Variants in NDUFV1 observed in about 807,000 individuals in gnomAD.
NDUFV1 encodes the protein NADH:ubiquinone oxidoreductase core subunit V1.
NDUFV1 carries 41 observed loss-of-function variants against 48.7 expected under a neutral mutation model. The observed-to-expected ratio is 0.84, with a 90% CI of 0.66 to 1.09. NDUFV1 has a LOEUF of 1.09. NDUFV1 is among the 50% of genes least tolerant of loss of function. NDUFV1 has a pLI of 0.00. For missense variants in NDUFV1, 580 were observed against 645.4 expected (o/e 0.90, Z 1.10); for synonymous variants, 231 against 259.1 (o/e 0.89, Z 1.04).
intron 1 of NDUFV1, 28 bp downstream of exon 1, chr11:67,607,104 G>GA: frequency 6.3e-7 from 1 of 1,595,626 alleles, no homozygotes; most frequent in Non-Finnish European, 8.5e-7. Context: ...TGGGGCCACG[G>GA]GTGTTTGGGG....
At chr11:67,610,924 G>A in intron 5 of NDUFV1, 71 bp from the exon 6 acceptor site, 1 of 1,472,988 alleles carries the variant, frequency 6.8e-7, no homozygotes, top group Non-Finnish European at 9.5e-7. Flanking sequence ...AGGACCCTGG[G>A]ACACACCTCC....
chr11:67,609,558 G>T lies in NDUFV1; in HGVS notation c.433G>T (p.Gly145Trp), dbSNP rs1374933967. Residue 145 changes from glycine to tryptophan, a missense_variant, in exon 4 of 10, where the codon GGG becomes TGG. Physicochemically the swap from Gly to Trp is radical, Grantham distance 184 (BLOSUM62 -2). Transcript: ENST00000322776. ...CAAGCTGCTGGAAGGCTGCCTGGTGGGGGGCCGGGCCATGGGCGCCCGCGC... is the reference window on the plus strand; with the variant it reads ...CAAGCTGCTGGAAGGCTGCCTGGTGTGGGGCCGGGCCATGGGCGCCCGCGC... ...PHKLLEGCLV[G>W]GRAMGARAAY... The T allele has an allele frequency of 1.9e-6, 3 of 1,612,972 alleles. No homozygotes were observed. The highest frequency in any genetic ancestry group is 8.5e-7 in the Non-Finnish European group (1 of 1,179,892).
chr11:67,612,482 T>G lies in NDUFV1; in HGVS notation c.*24T>G. The stretch of plus-strand genomic sequence containing the variant: ...AGCCCACCACCCTGGCCTGCTGTCC[T>G]GCGTCTATCCATGTGGAATGCTGGA... On this transcript the variant is annotated 3_prime_UTR_variant, in exon 10 of 10. Transcript: ENST00000322776. The surrounding 1 kb of genome is among the most constrained non-coding windows in gnomAD (Gnocchi z 4.4). The G allele has an allele frequency of 4.4e-6, 7 of 1,605,310 alleles. No individual in the cohort carries two copies. Among genetic ancestry groups the G allele is most frequent in the Non-Finnish European group, 5.9e-6 (7 of 1,176,486 alleles).
Position 67,608,739 on chromosome 11 carries a change from G to A in NDUFV1, c.326+17G>A, listed in dbSNP as rs757581676. 8 of 1,612,756 alleles carry A rather than the reference G, an allele frequency of 5.0e-6. No homozygotes were observed. The East Asian group carries it at 6.7e-5, about 13-fold the overall frequency. On this transcript the variant is annotated intron_variant, in intron 3 of 9. Transcript: ENST00000322776. ...AGATGGCAGGTGTGTGTGTGGGGGC[G>A]GGGCAGATGTGGCTGTGGGAGAGAC... is the stretch of plus-strand genomic sequence containing the variant.
chr11:67,609,130 C>T (rs1235095385), intron 3 of NDUFV1, among the ~76,000 whole-genome samples: 2 of 152,200 alleles, frequency 1.3e-5, no homozygotes, highest in East Asian at 1.9e-4. Flanking sequence ...GCTTTACCTC[C>T]TTTTGATGGT....
chr11:67,610,873 A>G, intron 5 of NDUFV1, 122 bp from the exon 6 acceptor site: 1 of 973,134 alleles, frequency 1.0e-6, no homozygotes, highest in Non-Finnish European at 1.6e-6. Context: ...AGGGATAAGA[A>G]TGATAAGGGG....
rs1368088751 is a variant in NDUFV1 at position 67,609,629 on chromosome 11, T to C, written c.504T>C (p.Asn168=). Residue 168 remains asparagine (N), a synonymous_variant, in exon 4 of 10, where the codon AAT becomes AAC. Transcript: ENST00000322776. ...GGGAATTCTACAATGAGGCCTCCAA[T>C]CTGCAGGTGGGTAGGGAGAGATGTA... The part of the protein sequence containing the change: ...IRGEFYNEAS[N]LQVAIREAYE... 4 of 1,603,790 alleles carry C rather than the reference T, an allele frequency of 2.5e-6. No homozygotes were observed. The East Asian group carries it at 6.7e-5, about 27-fold the overall frequency.
intron 2 of NDUFV1, 28 bp downstream of exon 2, chr11:67,608,506 T>A: frequency 6.2e-7 from 1 of 1,614,116 alleles, no homozygotes; most frequent in Non-Finnish European, 8.5e-7. Flanking sequence ...GTGTGTTGGG[T>A]CCCGGAGCAA....
At position 67,608,473 on chromosome 11, in the gene NDUFV1, C is replaced by T. The variant is rs11540012; in HGVS notation, c.150C>T (p.Asp50=). ...TCACCAACCTGTACGGCCGCCATGACTGGAGGTGAGACAGTGCCCTTAGTG... is the reference window on the plus strand; with the variant it reads ...TCACCAACCTGTACGGCCGCCATGATTGGAGGTGAGACAGTGCCCTTAGTG... ...RIFTNLYGRH[D]WRLKGSLSRG... The change falls in exon 2 of 10, where the codon GAC becomes GAT. Residue 50 remains aspartate (D), a synonymous_variant. Transcript: ENST00000322776. 3,598 of 1,614,150 alleles carry T rather than the reference C, an allele frequency of 2.2e-3. 26 individuals are homozygous for T. In the East Asian group the frequency reaches 0.027, roughly 12 times the overall value.
In NDUFV1 at chr11:67,610,989, C is replaced by T. The variant is rs1457621939; in HGVS notation, c.701-6C>T. 6.2e-7 allele frequency: 1 copy of T among 1,614,186 alleles called. No individual in the cohort carries two copies. The highest frequency in any genetic ancestry group is 1.1e-5 in the South Asian group (1 of 91,084). Reference sequence around the variant, plus strand: ...AGCCACCAGTTCTCTTCCCATTTCCCTGAAGGAGTGTTTGGCTGCCCCACA... The same window carrying T: ...AGCCACCAGTTCTCTTCCCATTTCCTTGAAGGAGTGTTTGGCTGCCCCACA... On this transcript the variant is annotated splice_polypyrimidine_tract_variant and splice_region_variant and intron_variant, in intron 5 of 9. Transcript: ENST00000322776.
chr11:67,610,407 A>T lies in NDUFV1; in HGVS notation c.537A>T (p.Ala179=). The change falls in exon 5 of 10, where the codon GCA becomes GCT. Residue 179 remains alanine, a synonymous_variant. Transcript: ENST00000322776. ...LQVAIREAYE[A]GLIGKNACGS... is the part of the protein sequence containing the mutation. ...TGGCCATCCGAGAGGCCTATGAGGCAGGTCTGATTGGCAAGAATGCTTGTG... is the reference window on the plus strand; with the variant it reads ...TGGCCATCCGAGAGGCCTATGAGGCTGGTCTGATTGGCAAGAATGCTTGTG... The T allele has an allele frequency of 6.2e-7, 1 of 1,614,182 alleles. No individual in the cohort carries two copies. Among genetic ancestry groups the T allele is most frequent in the Non-Finnish European group, 8.5e-7 (1 of 1,180,038 alleles).
chr11:67,607,213 C>A, intron 1 of NDUFV1, 137 bp downstream of exon 1: 1 of 1,006,840 alleles, frequency 9.9e-7, no homozygotes, highest in Non-Finnish European at 1.5e-6. Flanking sequence ...GGCCCCCGCT[C>A]CGGCCTGGTT....
chr11:67,611,266 A>G lies in NDUFV1; in HGVS notation c.913+59A>G, dbSNP rs1854910426. On this transcript the variant is annotated intron_variant, in intron 6 of 9. Transcript: ENST00000322776. This position sits in a 1 kb window ranked among gnomAD's most constrained non-coding sequence, Gnocchi z 4.2. ...TGCGCAGTGGGGGCAGGTGTCCACAAAGAGAGCCTGGGCGGGAGGGCTCAG... is the reference window on the plus strand; with the variant it reads ...TGCGCAGTGGGGGCAGGTGTCCACAGAGAGAGCCTGGGCGGGAGGGCTCAG... 1.2e-6 allele frequency: 2 copies of G among 1,602,104 alleles called. No homozygotes were observed. The highest frequency in any genetic ancestry group is 1.7e-6 in the Non-Finnish European group (2 of 1,170,806).
At chr11:67,610,673 G>A (rs565005095) in intron 5 of NDUFV1, 103 bp downstream of exon 5, 73 of 1,470,126 alleles carry the variant, frequency 5.0e-5, no homozygotes, top group East Asian at 7.3e-5. Context: ...TGGCTTCCCG[G>A]CTGGGGCCAG....
chr11:67,607,464 TTAAAAG>T, intron 1 of NDUFV1: 2 of 481,840 alleles, frequency 4.2e-6, no homozygotes, highest in South Asian at 3.1e-5. Flanking sequence ...AAAAGTGCTC[TTAAAAG>T]GATGGGAATC....
rs1374345143 is a variant in NDUFV1 at position 67,612,351 on chromosome 11, T to G, written c.1309-21T>G. The G allele has an allele frequency of 1.2e-6, 2 of 1,613,774 alleles. No individual in the cohort carries two copies. Among genetic ancestry groups the G allele is most frequent in the Admixed American group, 3.3e-5 (2 of 60,032 alleles). On this transcript the variant is annotated intron_variant, in intron 9 of 9. Transcript: ENST00000322776. This position sits in a 1 kb window ranked among gnomAD's most constrained non-coding sequence, Gnocchi z 4.4. ...GGGGATTTTTGGACTCTGTTTCACA[T>G]GGTCCCCCCACCGACCCCAGGGTCT...
chr11:67,609,389 G>T, intron 3 of NDUFV1, 63 bp from the exon 4 acceptor site: 1 of 1,550,974 alleles, frequency 6.4e-7, no homozygotes. Flanking sequence ...GAGTGGGGTG[G>T]CATGGAGTTG....
rs1555025903 is a variant in NDUFV1, at chr11:67,612,270, TCAC to T, written c.1308+10_1308+12del. ...GGGGCCGCCTGGCCTGTGCAGGTAT[TCAC>T]CACCCTTCTGCGTAGCACGGAGGGT... On this transcript the variant is annotated splice_donor_region_variant and intron_variant, in intron 9 of 9. Transcript: ENST00000322776. The surrounding 1 kb of genome is among the most constrained non-coding windows in gnomAD (Gnocchi z 4.4). 2 of 1,613,914 alleles carry T rather than the reference TCAC, an allele frequency of 1.2e-6. No homozygotes were observed. Among genetic ancestry groups the T allele is most frequent in the South Asian group, 1.1e-5 (1 of 91,072 alleles).
At position 67,611,370 on chromosome 11, in the gene NDUFV1, T is replaced by C. The variant is rs1168124991; in HGVS notation, c.914-33T>C. 8 of 1,611,200 alleles carry C rather than the reference T, an allele frequency of 5.0e-6. No homozygotes were observed. Among genetic ancestry groups the C allele is most frequent in the Non-Finnish European group, 5.9e-6 (7 of 1,179,038 alleles). On this transcript the variant is annotated intron_variant, in intron 6 of 9. Coordinates refer to ENST00000322776, the MANE Select transcript of NDUFV1 (RefSeq NM_007103.4). The surrounding 1 kb of genome is among the most constrained non-coding windows in gnomAD (Gnocchi z 4.2). ...GGTGTGCCGGCCCCAGCCCTGACCA[T>C]GCATCCCTTTGGGGACCGACTTGGG... is the stretch of plus-strand genomic sequence containing the variant.
Sources: gnomAD v4.1 joint callset for allele counts (sites outside exome capture counted in the v4.1 genomes callset) on GRCh38, gnomAD v4.1.1 for gene constraint, Gnocchi (gnomAD v3.1) non-coding constraint, MANE v1.5 for transcripts, NCBI Gene and HGNC (gene_info 2026-07-23, HGNC 2026-07-21) for gene names.